STPG1: variants seen among roughly 807,000 people sequenced by gnomAD.
STPG1 encodes O(6)-methylguanine-induced apoptosis 2.
A neutral mutation model predicts 40.1 loss-of-function variants in STPG1; 33 were observed. That is an observed-to-expected ratio of 0.82 (90% confidence interval 0.62 to 1.10). The LOEUF (loss-of-function observed/expected upper bound fraction) is 1.10. STPG1 is among the 50% of genes least tolerant of loss of function. STPG1 has a pLI of 0.00. For synonymous variants in STPG1, 150 were observed against 155.0 expected, an observed-to-expected ratio of 0.97 and a Z score of 0.24; for missense variants, 396 against 415.1, an observed-to-expected ratio of 0.95 and a Z score of 0.40.
At chr1:24,414,483 C>T (rs1310191746), upstream of STPG1, 1 of 150,092 alleles carries the variant, frequency 6.7e-6, no homozygotes, top group Non-Finnish European at 1.5e-5. Context: ...CACTCCCCTG[C>T]TTAAAGTCCT....
At chr1:24,413,450 C>T (rs1258332985) in intron 1 of STPG1, among the ~76,000 whole-genome samples, 4 of 152,382 alleles carry the variant, frequency 2.6e-5, no homozygotes, top group Non-Finnish European at 5.9e-5. Context: ...CCCCAGTTGT[C>T]ACCACTTTTC....
At chr1:24,361,670 G>C (rs1043862669) in intron 7 of STPG1, among the ~76,000 whole-genome samples, 2 of 152,152 alleles carry the variant, frequency 1.3e-5, no homozygotes, top group African/African-American at 4.8e-5. Flanking sequence ...GAAATCAAGA[G>C]ACTCTGCATA....
chr1:24,359,924 C>T lies in STPG1; in HGVS notation c.928+927G>A, dbSNP rs1295967352. ...TCCCAGATGTAACAGGGGATCCCTA[C>T]TTATGCTTGCCTGTAAAAAGAGTGT... On this transcript the variant is annotated intron_variant, in intron 8 of 8. Coordinates refer to ENST00000337248, the MANE Select transcript of STPG1 (RefSeq NM_001199013.2). This position sits in a 1 kb window ranked among gnomAD's most constrained non-coding sequence, Gnocchi z 5.3. 1.3e-5 allele frequency among the ~76,000 whole-genome samples: 2 copies of T among 152,178 alleles called. No homozygotes were observed. The highest frequency in any genetic ancestry group is 2.9e-5 in the Non-Finnish European group (2 of 68,018).
chr1:24,390,740 G>GTT (rs58051437), intron 3 of STPG1, among the ~76,000 whole-genome samples: 16 of 151,074 alleles, frequency 1.1e-4, no homozygotes, highest in Non-Finnish European at 1.5e-4. Flanking sequence ...GTTTAAGGAA[G>GTT]TTTTTTTTGT....
intron 5 of STPG1, among the ~76,000 whole-genome samples, chr1:24,374,965 C>G (rs1161509981): frequency 1.3e-5 from 2 of 152,170 alleles, no homozygotes; most frequent in Non-Finnish European, 2.9e-5. Flanking sequence ...GTAGTCCTAC[C>G]CATCCCCATC....
intron 2 of STPG1, among the ~76,000 whole-genome samples, chr1:24,392,787 A>C (rs1225040065): frequency 1.3e-5 from 2 of 152,168 alleles, no homozygotes; most frequent in African/African-American, 2.4e-5. Flanking sequence ...TAGGCTGTTC[A>C]CAACAGTAAG....
At chr1:24,372,688 T>C (rs34648406) in intron 6 of STPG1, among the ~76,000 whole-genome samples, 15,348 of 152,292 alleles carry the variant, frequency 0.1, 804 homozygotes, top group Non-Finnish European at 0.12. Flanking sequence ...CAGCTTCAGA[T>C]TGATCTTTTC....
In STPG1 at chr1:24,369,725, C is replaced by T. The variant is rs1159956066; in HGVS notation, c.686G>A (p.Gly229Asp). ...LKLTSTGPGP[G>D]YYNPSDCTKV... ...TGTGCAATCACTGGGGTTGTAATAA[C>T]CAGGTCCCGGGCCTGTTGACGTCAG... The change falls in exon 7 of 9, where the codon GGT (glycine) becomes GAT (aspartate). Residue 229 changes from glycine to aspartate, a missense_variant. Gly to Asp is a moderately conservative substitution (Grantham distance 94). Coordinates refer to ENST00000337248, the MANE Select transcript of STPG1 (RefSeq NM_001199013.2). The T allele has an allele frequency of 1.2e-6, 2 of 1,611,016 alleles. No homozygotes were observed. The highest frequency in any genetic ancestry group is 2.2e-5 in the South Asian group (2 of 90,794).
chr1:24,376,758 T>A (rs1184295110), intron 5 of STPG1, among the ~76,000 whole-genome samples: 2 of 152,152 alleles, frequency 1.3e-5, no homozygotes, highest in Non-Finnish European at 2.9e-5. Context: ...AGACAGTCGG[T>A]GCCTGTGTTT....
In STPG1 at chr1:24,361,018, GAGA is replaced by G; in HGVS notation, c.758_760del (p.Phe253del). ...CGGAGGCAGAGGCGAAGGCTGAGCA[GAGA>G]AGTTCAGGATGGGGTTTTTCCTTTG... On this transcript the variant is annotated inframe_deletion, in exon 8 of 9. Transcript: ENST00000337248. The G allele has an allele frequency of 1.2e-6, 2 of 1,611,744 alleles. No homozygotes were observed. The highest frequency in any genetic ancestry group is 1.7e-6 in the Non-Finnish European group (2 of 1,178,968).
At chr1:24,372,310 C>T (rs549276633) in intron 6 of STPG1, among the ~76,000 whole-genome samples, 17 of 152,328 alleles carry the variant, frequency 1.1e-4, no homozygotes, top group Middle Eastern at 3.4e-3. Context: ...ACTTTCTGAG[C>T]CCATGATTAT....
chr1:24,375,119 A>G (rs1392138563), intron 5 of STPG1, among the ~76,000 whole-genome samples: 2 of 152,220 alleles, frequency 1.3e-5, no homozygotes, highest in Non-Finnish European at 2.9e-5. Flanking sequence ...CTGACCAGAA[A>G]TTAAGAATTC....
intron 3 of STPG1, among the ~76,000 whole-genome samples, chr1:24,387,454 T>C (rs887127639): frequency 1.3e-5 from 2 of 152,042 alleles, no homozygotes; most frequent in African/African-American, 4.8e-5. Context: ...ACATTAACCT[T>C]GTGTCAAGGG....
intron 1 of STPG1, chr1:24,412,087 G>A (rs368426661): frequency 6.6e-6 from 1 of 152,132 alleles, no homozygotes; most frequent in Non-Finnish European, 1.5e-5. Flanking sequence ...GTTTTAGTTT[G>A]TCATATGCGT....
At chr1:24,369,146 A>C in intron 7 of STPG1, 1 of 353,808 alleles carries the variant, frequency 2.8e-6, no homozygotes, top group East Asian at 7.8e-5. Flanking sequence ...TGAAGTACAA[A>C]TCCAGCAGGT....
intron 1 of STPG1, among the ~76,000 whole-genome samples, chr1:24,403,267 T>C (rs1643294315): frequency 1.3e-5 from 2 of 152,220 alleles, no homozygotes; most frequent in African/African-American, 4.8e-5. Context: ...AAATCTACTG[T>C]GTGTATGTGT....
At position 24,394,789 on chromosome 1, in the gene STPG1, A is replaced by G. The variant is rs534091827; in HGVS notation, c.71-3110T>C. On this transcript the variant is annotated intron_variant, in intron 2 of 8. Transcript: ENST00000337248. Reference sequence around the variant, plus strand: ...AATAAAACTATACAAAATAAAACAGAAAAAGGACAAGAAAAAGGATTAGTG... The same window carrying G: ...AATAAAACTATACAAAATAAAACAGGAAAAGGACAAGAAAAAGGATTAGTG... Among the ~76,000 whole-genome samples the G allele has an allele frequency of 1.7e-4, 26 of 152,274 alleles. No individual in the cohort carries two copies. In the South Asian group the frequency reaches 5.2e-3, roughly 30 times the overall value.
At chr1:24,373,470 G>A (rs1641848367) in intron 6 of STPG1, among the ~76,000 whole-genome samples, 1 of 152,176 alleles carries the variant, frequency 6.6e-6, no homozygotes, top group Non-Finnish European at 1.5e-5. Context: ...TCATAAAAGG[G>A]GAGGCCAGGA....
chr1:24,370,043 T>C (rs1641662931), intron 6 of STPG1, among the ~76,000 whole-genome samples: 1 of 152,148 alleles, frequency 6.6e-6, no homozygotes, highest in Non-Finnish European at 1.5e-5. Flanking sequence ...TTAGCTGATT[T>C]AGTTCTCGCA....
Sources: allele counts gnomAD v4.1 joint callset (sites outside exome capture counted in the v4.1 genomes callset), GRCh38; gene constraint gnomAD v4.1.1; non-coding constraint Gnocchi (gnomAD v3.1); transcripts MANE v1.5; gene names NCBI Gene and HGNC (gene_info 2026-07-23, HGNC 2026-07-21).